RSPO3: variants seen among roughly 807,000 people sequenced by gnomAD.
RSPO3 encodes the protein R-spondin-3.
Under a neutral mutation model 36.5 loss-of-function variants are expected in RSPO3, and 17 were observed. The ratio of observed to expected loss-of-function variants is 0.47; its 90% CI spans 0.32 to 0.70. RSPO3 has a LOEUF of 0.70. Among genes scored for constraint, RSPO3 ranks in the 30% least tolerant of loss-of-function variants. The pLI, the probability that RSPO3 is intolerant of heterozygous loss-of-function variation, is 0.04. For synonymous variants in RSPO3, 108 were observed against 107.0 expected (o/e 1.01, Z -0.06); for missense variants, 294 against 322.5 (o/e 0.91, Z 0.68).
At chr6:127,148,962 G>A in intron 2 of RSPO3, 123 bp downstream of exon 2, 1 of 788,050 alleles carries the variant, frequency 1.3e-6, no homozygotes, top group East Asian at 2.8e-5. Flanking sequence ...CTGATAATTA[G>A]GCTAAACCAT....
At chr6:127,121,738 T>C (rs982188228) in intron 1 of RSPO3, among the ~76,000 whole-genome samples, 1 of 152,124 alleles carries the variant, frequency 6.6e-6, no homozygotes, top group Admixed American at 6.6e-5. Flanking sequence ...TTGAAATCTC[T>C]GGGGGAAAAA....
At chr6:127,122,347 C>T (rs1334298701) in intron 1 of RSPO3, among the ~76,000 whole-genome samples, 1 of 152,154 alleles carries the variant, frequency 6.6e-6, no homozygotes, top group Non-Finnish European at 1.5e-5. Flanking sequence ...TTAAAAATGA[C>T]TCAACCTTTG....
At position 127,150,529 on chromosome 6, in the gene RSPO3, A is replaced by C; in HGVS notation, c.393A>C (p.Glu131Asp). 1 of 1,612,234 alleles carries C rather than the reference A, an allele frequency of 6.2e-7. No homozygotes were observed. Among genetic ancestry groups the C allele is most frequent in the African/African-American group, 1.3e-5 (1 of 74,868 alleles). The change falls in exon 3 of 5, where the codon GAA becomes GAC. Residue 131 changes from glutamate to aspartate, a missense_variant. This residue lies in a region of RSPO3 where 190 missense variants were observed against 185.2 expected (regional missense o/e 1.03). Transcript: ENST00000356698. ...HLGKCLDNCP[E>D]GLEANNHTME... Reference sequence around the variant, plus strand: ...GAAAGTGCCTTGACAATTGCCCAGAAGGGTTGGAAGCCAACAACCATACTA... The same window carrying C: ...GAAAGTGCCTTGACAATTGCCCAGACGGGTTGGAAGCCAACAACCATACTA...
intron 1 of RSPO3, 138 bp from the exon 2 acceptor site, chr6:127,148,510 G>GA (rs1229174997): frequency 2.2e-5 from 12 of 556,304 alleles, no homozygotes; most frequent in African/African-American, 7.6e-5. Context: ...AAAAAGATAG[G>GA]AAAAAAAATC....
chr6:127,167,513 A>AGTCTATCATT (rs1774845137), intron 4 of RSPO3, among the ~76,000 whole-genome samples: 2 of 151,950 alleles, frequency 1.3e-5, no homozygotes, highest in African/African-American at 4.8e-5. Flanking sequence ...TTCTTAATCC[A>AGTCTATCATT]GTCTATCATT....
chr6:127,138,915 T>C (rs976210083), intron 1 of RSPO3, among the ~76,000 whole-genome samples: 6 of 152,248 alleles, frequency 3.9e-5, no homozygotes, highest in African/African-American at 1.2e-4. Flanking sequence ...TCTAAATGAG[T>C]GCAGATCCAG....
chr6:127,170,575 A>G (rs1774915861), intron 4 of RSPO3, among the ~76,000 whole-genome samples: 1 of 151,750 alleles, frequency 6.6e-6, no homozygotes, highest in African/African-American at 2.4e-5. Context: ...TTTTACACCC[A>G]TGTTCATAGC....
chr6:127,135,416 TAAAAAAAA>T (rs35739572), intron 1 of RSPO3, among the ~76,000 whole-genome samples: 112 of 95,234 alleles, frequency 1.2e-3, no homozygotes, highest in Non-Finnish European at 1.7e-3. Context: ...TGAGAATCCA[TAAAAAAAA>T]AAAAAAAAAA....
intron 1 of RSPO3, among the ~76,000 whole-genome samples, chr6:127,132,510 A>T (rs920370764): frequency 1.3e-5 from 2 of 152,088 alleles, no homozygotes; most frequent in African/African-American, 4.8e-5. Flanking sequence ...GCTTAAAAAA[A>T]GGTGGGGGCA....
intron 4 of RSPO3, among the ~76,000 whole-genome samples, chr6:127,162,956 G>A (rs1490427397): frequency 1.3e-5 from 2 of 151,912 alleles, no homozygotes; most frequent in Non-Finnish European, 1.5e-5. Flanking sequence ...TTTGTAAGAC[G>A]GCTAAGTAGG....
intron 1 of RSPO3, among the ~76,000 whole-genome samples, chr6:127,121,201 T>A (rs76999319): frequency 0.025 from 3,851 of 152,218 alleles, 59 homozygotes; most frequent in African/African-American, 0.049. Context: ...TTGGGGCCCC[T>A]GATTCTGAAG....
rs972850909 is a variant in RSPO3, at chr6:127,124,509, A to AT, written c.97+5230dup. ...TTCTAACAGTGCATTATGTGCTGGC[A>AT]TTTTTTTTTTGAAAATAATAATTTG... On this transcript the variant is annotated intron_variant, in intron 1 of 4. Transcript: ENST00000356698. Among the ~76,000 whole-genome samples, 371 of 148,674 alleles carry AT rather than the reference A, an allele frequency of 2.5e-3. 1 individual carries two copies. The highest frequency in any genetic ancestry group is 8.1e-3 in the African/African-American group (328 of 40,668).
chr6:127,134,527 C>CAG (rs1774115687), intron 1 of RSPO3, among the ~76,000 whole-genome samples: 2 of 152,166 alleles, frequency 1.3e-5, no homozygotes, highest in Non-Finnish European at 2.9e-5. Flanking sequence ...ACAAGTCAAT[C>CAG]TACTTAAAGC....
intron 4 of RSPO3, among the ~76,000 whole-genome samples, chr6:127,175,189 A>G (rs976651780): frequency 6.6e-6 from 1 of 151,692 alleles, no homozygotes; most frequent in East Asian, 1.9e-4. Flanking sequence ...ATATTCATTT[A>G]TATTTTTTCC....
At position 127,160,747 on chromosome 6, in the gene RSPO3, G is replaced by A. The variant is rs577910655; in HGVS notation, c.634+5309G>A. ...CATTGGTGGGTGTGTCTTTTAGAAA[G>A]GTGCTTCCACTCCATGCCTGTTTTA... On this transcript the variant is annotated intron_variant, in intron 4 of 4. Transcript: ENST00000356698. Among the ~76,000 whole-genome samples, 62 of 152,210 alleles carry A rather than the reference G, an allele frequency of 4.1e-4. No individual in the cohort carries two copies. The South Asian group carries it at 0.013, about 31-fold the overall frequency.
At chr6:127,183,030 GT>G (rs1562253786) in intron 4 of RSPO3, among the ~76,000 whole-genome samples, 1 of 151,828 alleles carries the variant, frequency 6.6e-6, no homozygotes, top group Non-Finnish European at 1.5e-5. Flanking sequence ...CTTGTTATTT[GT>G]TCCTCTTCCT....
chr6:127,155,197 G>A (rs1321720649), intron 3 of RSPO3, 44 bp from the exon 4 acceptor site: 1 of 1,580,388 alleles, frequency 6.3e-7, no homozygotes, highest in African/African-American at 1.3e-5. Context: ...AATAGTGAAA[G>A]TGGTTGTAAG....
In RSPO3 at chr6:127,146,504, A is replaced by T. The variant is rs536921813; in HGVS notation, c.98-2144A>T. Among the ~76,000 whole-genome samples, 24 of 152,196 alleles carry T rather than the reference A, an allele frequency of 1.6e-4. 1 individual carries two copies. The highest frequency in any genetic ancestry group is 5.3e-4 in the African/African-American group (22 of 41,570). On this transcript the variant is annotated intron_variant, in intron 1 of 4. Transcript: ENST00000356698. ...ATTCAAAACCTAGTTTTTAAAATAA[A>T]ATTTATCTTAAGGAATGTCAGTTTT...
chr6:127,167,908 G>A (rs1219081581), intron 4 of RSPO3, among the ~76,000 whole-genome samples: 2 of 151,760 alleles, frequency 1.3e-5, no homozygotes, highest in African/African-American at 4.8e-5. Context: ...ATGGTTTCCA[G>A]CTTCATCCAT....
Sources: gnomAD v4.1 joint callset for allele counts (sites outside exome capture counted in the v4.1 genomes callset) on GRCh38, gnomAD v4.1.1 for gene constraint, gnomAD v4.1.1 regional missense constraint, MANE v1.5 for transcripts, NCBI Gene and HGNC (gene_info 2026-07-23, HGNC 2026-07-21) for gene names.